Variants in INSL6 observed in about 807,000 individuals in gnomAD.
INSL6 encodes the protein insulin-like peptide INSL6.
In INSL6, 16 loss-of-function variants were observed where a neutral mutation model predicts 9.4. The observed-to-expected ratio is 1.70, with a 90% CI of 1.15 to 2.59. The LOEUF is 2.59. Among genes scored for constraint, INSL6 ranks in the 30% most tolerant of loss-of-function variants. INSL6 has a pLI of 0.00. For missense variants in INSL6, 391 were observed against 257.3 expected (o/e 1.52, Z -3.56); for synonymous variants, 154 against 96.9 (o/e 1.59, Z -3.46).
At chr9:5,110,128 G>GA in the INSL6 span, 1 of 152,188 alleles carries the variant, frequency 6.6e-6, no homozygotes, top group African/African-American at 2.4e-5. Context: ...GCAGCAGCAG[G>GA]AAAGTCAGCT....
chr9:5,128,114 GTGTGTGTTATTTATACAAAACTTAAAA>G (rs1341172939), intron 3 of INSL6: 1 of 228,970 alleles, frequency 4.4e-6, no homozygotes, highest in Non-Finnish European at 8.6e-6. Context: ...GTGTGTGTGT[GTGTGTGTTATTTATACAAAACTTAAAA>G]TACTTGCTGT....
intron 2 of INSL6, among the ~76,000 whole-genome samples, chr9:5,138,011 G>A (rs1382059413): frequency 1.3e-5 from 2 of 152,176 alleles, no homozygotes; most frequent in Non-Finnish European, 2.9e-5. Context: ...TTAGAGAAAT[G>A]CAAATCAAAA....
chr9:5,059,510 T>C, the INSL6 span, among the ~76,000 whole-genome samples: 2 of 152,142 alleles, frequency 1.3e-5, no homozygotes, highest in African/African-American at 4.8e-5. Context: ...TAGGGATAAA[T>C]TTACCATGAA....
the INSL6 span, among the ~76,000 whole-genome samples, chr9:5,071,575 T>G: frequency 6.6e-6 from 1 of 152,150 alleles, no homozygotes; most frequent in Non-Finnish European, 1.5e-5. Context: ...AAGAGAGATG[T>G]AGTGAACCTC....
intron 2 of INSL6, among the ~76,000 whole-genome samples, chr9:5,145,817 T>G (rs573918391): frequency 2.8e-4 from 43 of 152,208 alleles, no homozygotes; most frequent in Non-Finnish European, 5.6e-4. Flanking sequence ...TTACATTCTT[T>G]TCTAGACTGG....
chr9:5,154,860 C>G (rs1232423046), intron 2 of INSL6, among the ~76,000 whole-genome samples: 2 of 152,132 alleles, frequency 1.3e-5, no homozygotes, highest in Non-Finnish European at 2.9e-5. Context: ...AACAGGAACA[C>G]TTTTACACTG....
At chr9:5,002,018 C>G in the INSL6 span, among the ~76,000 whole-genome samples, 1 of 151,778 alleles carries the variant, frequency 6.6e-6, no homozygotes, top group Non-Finnish European at 1.5e-5. Flanking sequence ...TAGCGATATC[C>G]TGCTTTTTTT....
At chr9:5,042,124 C>CT in the INSL6 span, among the ~76,000 whole-genome samples, 5,684 of 107,418 alleles carry the variant, frequency 0.053, 125 homozygotes, top group African/African-American at 0.09. Context: ...GCCAAAATTT[C>CT]TTTTTTTTTT....
the INSL6 span, among the ~76,000 whole-genome samples, chr9:5,013,220 A>AT: frequency 1.3e-5 from 2 of 152,098 alleles, no homozygotes; most frequent in Admixed American, 6.5e-5. Context: ...TTCTTTTGTG[A>AT]TAAAAAAAAA....
At chr9:5,184,769 G>A (rs893297198) in intron 1 of INSL6, among the ~76,000 whole-genome samples, 1 of 152,162 alleles carries the variant, frequency 6.6e-6, no homozygotes, top group East Asian at 1.9e-4. Context: ...CTATCTCCTG[G>A]TACGTGACCA....
At chr9:5,091,614 TTAA>T in the INSL6 span, 1 of 152,156 alleles carries the variant, frequency 6.6e-6, no homozygotes, top group Non-Finnish European at 1.5e-5. Context: ...GATTAGATAA[TTAA>T]TAGTAGAGTT....
chr9:5,122,981 A>T, downstream of INSL6: 1 of 1,471,192 alleles, frequency 6.8e-7, no homozygotes, highest in Non-Finnish European at 9.4e-7. Flanking sequence ...ACTGTCTTTT[A>T]AATGTTATTC....
the INSL6 span, among the ~76,000 whole-genome samples, chr9:5,002,799 C>T: frequency 3.3e-5 from 5 of 151,792 alleles, no homozygotes; most frequent in African/African-American, 4.8e-5. Context: ...TTATTGTGTG[C>T]ATATATATTT....
At chr9:5,037,205 C>G in the INSL6 span, among the ~76,000 whole-genome samples, 12 of 152,134 alleles carry the variant, frequency 7.9e-5, no homozygotes, top group African/African-American at 1.7e-4. Flanking sequence ...AGTCAGGAAA[C>G]AACAGGTGCT....
At chr9:5,011,394 TGC>T in the INSL6 span, among the ~76,000 whole-genome samples, 1 of 152,144 alleles carries the variant, frequency 6.6e-6, no homozygotes, top group Non-Finnish European at 1.5e-5. Context: ...CTTGCTATGT[TGC>T]CAGGGCTAGT....
At chr9:5,029,741 G>C in the INSL6 span, 3 of 1,552,824 alleles carry the variant, frequency 1.9e-6, no homozygotes, top group Non-Finnish European at 2.6e-6. Flanking sequence ...AAAATATTCT[G>C]TTGTGTACCT....
At chr9:5,130,445 A>G (rs1415513707) in intron 3 of INSL6, among the ~76,000 whole-genome samples, 1 of 152,210 alleles carries the variant, frequency 6.6e-6, no homozygotes, top group African/African-American at 2.4e-5. Flanking sequence ...TATTACAGAG[A>G]CAACAGGCAG....
chr9:4,994,334 C>A, the INSL6 span, among the ~76,000 whole-genome samples: 33 of 152,274 alleles, frequency 2.2e-4, no homozygotes, highest in East Asian at 6.2e-3. Flanking sequence ...TGTTTCCTAA[C>A]CCACTGGTTC....
At chr9:5,181,466 ACT>A (rs1396692825) in intron 1 of INSL6, among the ~76,000 whole-genome samples, 1 of 152,184 alleles carries the variant, frequency 6.6e-6, no homozygotes, top group African/African-American at 2.4e-5. Context: ...AAAAAGACTT[ACT>A]GAGAAAGTGA....
Sources: gnomAD v4.1 joint callset for allele counts (sites outside exome capture counted in the v4.1 genomes callset) on GRCh38, gnomAD v4.1.1 for gene constraint, MANE v1.5 for transcripts, NCBI Gene and HGNC (gene_info 2026-07-23, HGNC 2026-07-21) for gene names.